The following FOCAD variants were observed in gnomAD, a reference collection of about 807,000 sequenced individuals.
FOCAD encodes the protein KIAA1797.
In FOCAD, 198 loss-of-function variants were observed where a neutral mutation model predicts 225.6. The observed-to-expected ratio is 0.88, with a 90% confidence interval of 0.78 to 0.99. The LOEUF (loss-of-function observed/expected upper bound fraction) is 0.99, where lower values mean the gene tolerates loss of function less well. Among genes scored for constraint, FOCAD ranks in the 50% least tolerant of loss-of-function variants. The pLI is 0.00. For missense variants in FOCAD, 2,713 were observed against 2,123.6 expected, an observed-to-expected ratio of 1.28 and a Z score of -5.46; for synonymous variants, 897 against 755.0, an observed-to-expected ratio of 1.19 and a Z score of -3.08.
chr9:20,909,012 C>G (rs759571542), intron 22 of FOCAD, among the ~76,000 whole-genome samples: 12 of 151,900 alleles, frequency 7.9e-5, no homozygotes, highest in African/African-American at 1.5e-4. Flanking sequence ...GCTATGGGCA[C>G]CTGGAGAAAG....
At chr9:20,680,101 T>C (rs1349891823), upstream of FOCAD, among the ~76,000 whole-genome samples, 6 of 152,230 alleles carry the variant, frequency 3.9e-5, no homozygotes, top group Admixed American at 3.9e-4. Context: ...CTACATTCCT[T>C]CAGGCTCCAT....
intron 27 of FOCAD, among the ~76,000 whole-genome samples, chr9:20,929,909 C>G (rs538056386): frequency 2.0e-5 from 3 of 152,148 alleles, no homozygotes; most frequent in Non-Finnish European, 4.4e-5. Context: ...AGTTATGGTG[C>G]TATAAGTAAA....
intron 5 of FOCAD, among the ~76,000 whole-genome samples, chr9:20,743,729 A>G (rs1426999649): frequency 6.6e-6 from 1 of 152,210 alleles, no homozygotes. Flanking sequence ...TGTGAGGCTC[A>G]GAAATCAGCA....
At chr9:20,859,342 A>G (rs1434361403) in intron 15 of FOCAD, among the ~76,000 whole-genome samples, 2 of 151,682 alleles carry the variant, frequency 1.3e-5, no homozygotes, top group African/African-American at 2.4e-5. Flanking sequence ...AGATTGCACC[A>G]CTGAATTCCA....
chr9:20,973,286 TAC>T (rs1445086795), intron 35 of FOCAD, among the ~76,000 whole-genome samples: 1 of 152,284 alleles, frequency 6.6e-6, no homozygotes, highest in African/African-American at 2.4e-5. Context: ...GCAGCTGATT[TAC>T]TTCTGCTGAC....
At chr9:20,700,122 G>A (rs1823819859) in intron 1 of FOCAD, among the ~76,000 whole-genome samples, 1 of 151,454 alleles carries the variant, frequency 6.6e-6, no homozygotes, top group East Asian at 1.9e-4. Flanking sequence ...CTGTATAATA[G>A]AAGATTAGTA....
intron 15 of FOCAD, among the ~76,000 whole-genome samples, chr9:20,841,541 G>A (rs1409995509): frequency 1.3e-5 from 2 of 151,558 alleles, no homozygotes; most frequent in Non-Finnish European, 3.0e-5. Context: ...TCAATTTATT[G>A]TCATATAGTT....
At chr9:20,666,784 C>T (rs566405010) in intron 2 of FOCAD, among the ~76,000 whole-genome samples, 14 of 152,016 alleles carry the variant, frequency 9.2e-5, no homozygotes, top group African/African-American at 2.2e-4. Context: ...GAGGTGTCTG[C>T]GAAGAGTTTG....
At chr9:20,990,400 C>A (rs773021646) in intron 42 of FOCAD, 26 bp downstream of exon 42, 1 of 1,609,078 alleles carries the variant, frequency 6.2e-7, no homozygotes, top group Admixed American at 1.7e-5. Context: ...ACCTGCTTAG[C>A]AGGGCAGGCA....
At chr9:20,954,334 G>A (rs1398685666) in intron 35 of FOCAD, among the ~76,000 whole-genome samples, 1 of 152,058 alleles carries the variant, frequency 6.6e-6, no homozygotes, top group East Asian at 1.9e-4. Flanking sequence ...AATTTTCATG[G>A]CCAAACTAGT....
At chr9:20,990,549 C>A (rs994213349) in intron 42 of FOCAD, among the ~76,000 whole-genome samples, 175 bp downstream of exon 42, 1 of 152,196 alleles carries the variant, frequency 6.6e-6, no homozygotes, top group South Asian at 2.1e-4. Flanking sequence ...AGCCCAGGCT[C>A]GGGGCAACTG....
intron 22 of FOCAD, among the ~76,000 whole-genome samples, chr9:20,910,699 A>G (rs879473765): frequency 6.6e-6 from 1 of 152,086 alleles, no homozygotes; most frequent in Non-Finnish European, 1.5e-5. Context: ...AAAAATGTTA[A>G]TCAGAAAGCA....
intron 10 of FOCAD, among the ~76,000 whole-genome samples, chr9:20,785,266 AT>A (rs1457385979): frequency 1.3e-5 from 2 of 152,164 alleles, no homozygotes; most frequent in African/African-American, 2.4e-5. Flanking sequence ...CCCTTCCCTC[AT>A]TTAAAGCATG....
rs1481675679 is a variant in FOCAD at position 20,847,385 on chromosome 9, G to A, written c.1921-15193G>A. Among the ~76,000 whole-genome samples the A allele has an allele frequency of 3.2e-4, 48 of 151,928 alleles. 1 individual carries two copies. The highest frequency in any genetic ancestry group is 2.4e-5 in the African/African-American group (1 of 41,474). On this transcript the variant is annotated intron_variant, in intron 15 of 43. Transcript: ENST00000338382. ...CATAATGTTTTCAAGGTTCATGCAC[G>A]TTGTAGTATGTTAAGTCTAAATTCT...
intron 7 of FOCAD, among the ~76,000 whole-genome samples, chr9:20,768,841 T>A (rs1817874484): frequency 6.6e-6 from 1 of 151,484 alleles, no homozygotes; most frequent in Non-Finnish European, 1.5e-5. Context: ...TTACCTATTA[T>A]ATTATTAAAT....
chr9:20,954,284 G>C (rs2132401841), intron 35 of FOCAD, among the ~76,000 whole-genome samples: 1 of 152,234 alleles, frequency 6.6e-6, no homozygotes, highest in Admixed American at 6.5e-5. Context: ...TAGTAGAGAT[G>C]GCTTCATTAG....
At chr9:20,950,350 G>A (rs906110299) in intron 33 of FOCAD, among the ~76,000 whole-genome samples, 3 of 152,060 alleles carry the variant, frequency 2.0e-5, no homozygotes, top group East Asian at 1.9e-4. Flanking sequence ...ACTTGTTTTC[G>A]TTCTTGTAAA....
At chr9:20,763,211 T>G (rs1829767860) in intron 6 of FOCAD, among the ~76,000 whole-genome samples, 1 of 152,240 alleles carries the variant, frequency 6.6e-6, no homozygotes, top group South Asian at 2.1e-4. Context: ...ATTGAGCATC[T>G]CTTTGAAGGC....
intron 4 of FOCAD, among the ~76,000 whole-genome samples, chr9:20,736,590 C>T (rs2039394): frequency 0.8 from 120,982 of 151,820 alleles, 48,473 homozygotes; most frequent in Admixed American, 0.86. Flanking sequence ...AATTCCAGGC[C>T]TCAGCGTTCA....
Sources: gnomAD v4.1 joint callset for allele counts (sites outside exome capture counted in the v4.1 genomes callset) on GRCh38, gnomAD v4.1.1 for gene constraint, MANE v1.5 for transcripts, NCBI Gene and HGNC (gene_info 2026-07-23, HGNC 2026-07-21) for gene names.